RNF150: variants seen among roughly 807,000 people sequenced by gnomAD.
The protein encoded by RNF150 is ring finger protein 150.
A neutral mutation model predicts 39.3 loss-of-function variants in RNF150; 24 were observed. The ratio of observed to expected loss-of-function variants is 0.61; its 90% CI spans 0.44 to 0.86. RNF150 has a LOEUF of 0.86. Among genes scored for constraint, RNF150 ranks in the 40% least tolerant of loss-of-function variants. The pLI is 0.00. For synonymous variants in RNF150, 255 were observed against 227.3 expected, an observed-to-expected ratio of 1.12 and a Z score of -1.10; for missense variants, 502 against 587.8, an observed-to-expected ratio of 0.85 and a Z score of 1.51.
intron 2 of RNF150, among the ~76,000 whole-genome samples, chr4:140,952,371 T>C (rs1283064985): frequency 1.3e-5 from 2 of 152,224 alleles, no homozygotes; most frequent in Admixed American, 6.5e-5. Context: ...AAATTCAATT[T>C]CTTTTAAAAT....
chr4:141,063,695 A>T (rs1010294313), intron 1 of RNF150, among the ~76,000 whole-genome samples: 1 of 152,168 alleles, frequency 6.6e-6, no homozygotes, highest in Non-Finnish European at 1.5e-5. Flanking sequence ...GTAGGAACCA[A>T]CTAATTATTT....
At chr4:141,025,498 C>G (rs1030894496) in intron 1 of RNF150, among the ~76,000 whole-genome samples, 1 of 149,322 alleles carries the variant, frequency 6.7e-6, no homozygotes, top group African/African-American at 2.5e-5. Context: ...AAAAAGTACT[C>G]AAAGATATTT....
intron 1 of RNF150, among the ~76,000 whole-genome samples, chr4:141,040,755 T>C (rs1055067022): frequency 1.3e-5 from 2 of 152,136 alleles, no homozygotes; most frequent in African/African-American, 4.8e-5. Flanking sequence ...GGAATACTAT[T>C]ACAACTACAG....
At position 141,014,676 on chromosome 4, in the gene RNF150, T is replaced by G. The variant is rs566270342; in HGVS notation, c.485-46803A>C. Among the ~76,000 whole-genome samples the G allele has an allele frequency of 2.0e-5, 3 of 152,344 alleles. No individual in the cohort carries two copies. The South Asian group carries it at 6.2e-4, about 32-fold the overall frequency. ...GTCCATTCAGGTCCTTTGCCCACTTTAAAATCAGGTTGTTTTCTTGCTATT... is the reference window on the plus strand; with the variant it reads ...GTCCATTCAGGTCCTTTGCCCACTTGAAAATCAGGTTGTTTTCTTGCTATT... On this transcript the variant is annotated intron_variant, in intron 1 of 6. Coordinates refer to ENST00000515673, the MANE Select transcript of RNF150 (RefSeq NM_020724.2).
At chr4:140,988,996 A>G (rs1444950889) in intron 1 of RNF150, among the ~76,000 whole-genome samples, 2 of 151,680 alleles carry the variant, frequency 1.3e-5, no homozygotes, top group African/African-American at 2.4e-5. Context: ...CACACCGGGT[A>G]GTTTTTAATT....
At chr4:141,000,044 G>GAAGAAAAGAAGAAAAGAAGAA (rs1734584805) in intron 1 of RNF150, among the ~76,000 whole-genome samples, 2 of 75,452 alleles carry the variant, frequency 2.7e-5, no homozygotes, top group Non-Finnish European at 6.2e-5. Flanking sequence ...AGAAGAAGAA[G>GAAGAAAAGAAGAAAAGAAGAA]AAGAAGAAGA....
intron 5 of RNF150, among the ~76,000 whole-genome samples, chr4:140,923,295 C>T (rs1373594006): frequency 6.6e-6 from 1 of 152,130 alleles, no homozygotes. Context: ...ACAACCCCAT[C>T]AAAAAGTGGG....
intron 5 of RNF150, among the ~76,000 whole-genome samples, chr4:140,912,980 A>C (rs6848686): frequency 0.55 from 82,860 of 150,024 alleles, 23,543 homozygotes; most frequent in East Asian, 0.89. Context: ...AAAAAAAAAA[A>C]AAAACACCAT....
chr4:140,959,436 C>G (rs1732924784), intron 2 of RNF150, among the ~76,000 whole-genome samples: 1 of 152,048 alleles, frequency 6.6e-6, no homozygotes, highest in South Asian at 2.1e-4. Context: ...TCCACATGCT[C>G]CTAAGTGTCA....
intron 1 of RNF150, among the ~76,000 whole-genome samples, chr4:141,098,195 C>T (rs1199254363): frequency 1.3e-5 from 2 of 152,196 alleles, no homozygotes; most frequent in Non-Finnish European, 2.9e-5. Flanking sequence ...CTTTGGGTTC[C>T]TTCACAGGCT....
intron 1 of RNF150, among the ~76,000 whole-genome samples, chr4:141,029,249 G>A (rs1245795626): frequency 6.6e-6 from 1 of 152,108 alleles, no homozygotes; most frequent in Non-Finnish European, 1.5e-5. Flanking sequence ...TCACTTCATT[G>A]ATAATGTATA....
chr4:141,143,397 T>G (rs944283712), intron 1 of RNF150, among the ~76,000 whole-genome samples: 16 of 152,326 alleles, frequency 1.1e-4, no homozygotes, highest in Admixed American at 4.6e-4. Context: ...CACTGCTCCC[T>G]GCCCCACGTC....
intron 1 of RNF150, among the ~76,000 whole-genome samples, chr4:140,996,096 A>G (rs76645074): frequency 6.6e-6 from 1 of 152,140 alleles, no homozygotes; most frequent in African/African-American, 2.4e-5. Context: ...TTCCAGCAAC[A>G]CTGTATGAGG....
intron 6 of RNF150, among the ~76,000 whole-genome samples, chr4:140,873,088 G>C (rs1729010493): frequency 6.6e-6 from 1 of 152,174 alleles, no homozygotes. Context: ...TGTTTTGTTT[G>C]GCCTGGACAA....
At chr4:141,152,079 T>G (rs1435132) in intron 1 of RNF150, among the ~76,000 whole-genome samples, 54,153 of 152,100 alleles carry the variant, frequency 0.36, 11,812 homozygotes, top group Non-Finnish European at 0.47. Flanking sequence ...ATGGCTTTTA[T>G]GTAATCTGTT....
At chr4:140,899,944 T>TCTCTC (rs1730114654) in intron 6 of RNF150, among the ~76,000 whole-genome samples, 1 of 110,022 alleles carries the variant, frequency 9.1e-6, no homozygotes, top group Non-Finnish European at 1.8e-5. Flanking sequence ...CTCTCTCACT[T>TCTCTC]TCTCTCTCTC....
chr4:141,088,233 C>G (rs780479666), intron 1 of RNF150, among the ~76,000 whole-genome samples: 16 of 152,196 alleles, frequency 1.1e-4, no homozygotes, highest in Non-Finnish European at 1.8e-4. Flanking sequence ...GCTGTTCCCA[C>G]TCTCGGCCCC....
chr4:141,163,766 C>T (rs903475163), intron 1 of RNF150, among the ~76,000 whole-genome samples: 6 of 152,168 alleles, frequency 3.9e-5, no homozygotes, highest in Non-Finnish European at 7.4e-5. Flanking sequence ...TCAACATCAA[C>T]AAAAAGGACA....
chr4:141,066,506 A>G (rs115738698), intron 1 of RNF150, among the ~76,000 whole-genome samples: 1,940 of 152,298 alleles, frequency 0.013, 53 homozygotes, highest in African/African-American at 0.045. Context: ...TTTAAACACA[A>G]ATACAAATCT....
Sources: allele counts gnomAD v4.1 joint callset (sites outside exome capture counted in the v4.1 genomes callset), GRCh38; gene constraint gnomAD v4.1.1; transcripts MANE v1.5; gene names NCBI Gene and HGNC (gene_info 2026-07-23, HGNC 2026-07-21).